Variants in UNC80 observed in about 807,000 individuals in gnomAD.
The protein encoded by UNC80 is protein unc-80 homolog.
UNC80 carries 164 observed loss-of-function variants against 384.6 expected under a neutral mutation model. The ratio of observed to expected loss-of-function variants is 0.43; its 90% confidence interval spans 0.38 to 0.49. The LOEUF is 0.49. Among genes scored for constraint, UNC80 ranks in the 20% least tolerant of loss-of-function variants. UNC80 has a pLI of 0.00. For synonymous variants in UNC80, 1,486 were observed against 1,527.8 expected, an observed-to-expected ratio of 0.97 and a Z score of 0.64; for missense variants, 3,330 against 4,143.0, an observed-to-expected ratio of 0.80 and a Z score of 5.39.
chr2:209,866,525 C>CACACACACAT (rs1553556886), intron 22 of UNC80, among the ~76,000 whole-genome samples: 299 of 110,148 alleles, frequency 2.7e-3, no homozygotes, highest in African/African-American at 0.013. Context: ...CACACACACA[C>CACACACACAT]ACACACACAG....
chr2:209,962,442 A>G (rs1203796978), intron 51 of UNC80, among the ~76,000 whole-genome samples: 2 of 152,180 alleles, frequency 1.3e-5, no homozygotes, highest in African/African-American at 4.8e-5. Context: ...GAAGAGTAGT[A>G]TGATGAACAG....
chr2:209,961,103 G>C (rs2092576596), intron 51 of UNC80: 1 of 152,148 alleles, frequency 6.6e-6, no homozygotes, highest in Non-Finnish European at 1.5e-5. Context: ...GAGGGAGAGA[G>C]AGAGAGAGAG....
Position 209,995,648 on chromosome 2 carries a change from C to T in UNC80, c.*53C>T. 2.0e-6 allele frequency: 3 copies of T among 1,515,090 alleles called. No homozygotes were observed. Among genetic ancestry groups the T allele is most frequent in the Non-Finnish European group, 2.7e-6 (3 of 1,125,232 alleles). 93.9% of individuals were successfully genotyped at this position (1,515,090 alleles called of 1,614,324 possible). ...TAGAGAAGACATGAAAGTGATCTCT[C>T]TACTACAAGTTCAATACTTTTGCTT... On this transcript the variant is annotated 3_prime_UTR_variant, in exon 65 of 65. Transcript: ENST00000673920.
Position 209,997,023 on chromosome 2 carries a change from A to C in UNC80, c.*1428A>C, listed in dbSNP as rs1026203799. On this transcript the variant is annotated 3_prime_UTR_variant, in exon 65 of 65. Coordinates refer to ENST00000673920, the MANE Select transcript of UNC80 (RefSeq NM_001371986.1). ...AGTGCGTTGGCTGTGAAATGTATAC[A>C]TATATAAAGAGGATACCTACTAAAC... 2 of 152,174 alleles carry C rather than the reference A, an allele frequency of 1.3e-5. No individual in the cohort carries two copies. The highest frequency in any genetic ancestry group is 4.8e-5 in the African/African-American group (2 of 41,446). 9.4% of individuals were successfully genotyped at this position (152,174 alleles called of 1,614,324 possible). A position where few individuals can be genotyped will look rare whatever the true frequency, so the allele number is the denominator to read the frequency against.
chr2:209,921,002 A>T (rs1213703120), intron 33 of UNC80, among the ~76,000 whole-genome samples: 1 of 151,778 alleles, frequency 6.6e-6, no homozygotes, highest in Non-Finnish European at 1.5e-5. Context: ...TAATTTTTGT[A>T]TTTTTAGTAG....
chr2:209,817,980 G>A (rs2079866522), intron 11 of UNC80, 28 bp downstream of exon 11: 1 of 1,550,588 alleles, frequency 6.4e-7, no homozygotes, highest in Non-Finnish European at 8.7e-7. Context: ...CCTACGGGCA[G>A]GAGTTCAGAG....
rs1324925600 is a variant in UNC80, at chr2:209,866,701, T to G, written c.3628-6057T>G. On this transcript the variant is annotated intron_variant, in intron 22 of 64. Transcript: ENST00000673920. Reference sequence around the variant, plus strand: ...TTAAGTTTCAAGTACTACATTTTTATTTGTAAAAATTCTATTTAAATTTTG... The same window carrying G: ...TTAAGTTTCAAGTACTACATTTTTAGTTGTAAAAATTCTATTTAAATTTTG... Among the ~76,000 whole-genome samples, 3 of 152,228 alleles carry G rather than the reference T, an allele frequency of 2.0e-5. No homozygotes were observed. In the East Asian group the frequency reaches 5.8e-4, roughly 29 times the overall value.
chr2:209,815,282 A>AG lies in UNC80; in HGVS notation c.1228dup (p.Glu410GlyfsTer5). On this transcript the variant is annotated frameshift_variant, in exon 9 of 65. Transcript: ENST00000673920. LOFTEE classifies it high-confidence loss of function. ...GATCTCACCATGAAGTGTAACGAGG[A>AG]GGAAAAATCTCTTAGCTCTGAGGCC... is the stretch of plus-strand genomic sequence containing the variant. 3 of 1,551,704 alleles carry AG rather than the reference A, an allele frequency of 1.9e-6. No individual in the cohort carries two copies. Among genetic ancestry groups the AG allele is most frequent in the Non-Finnish European group, 2.6e-6 (3 of 1,146,986 alleles).
At chr2:209,808,799 C>CG (rs2079114222) in intron 7 of UNC80, 9 of 339,234 alleles carry the variant, frequency 2.7e-5, no homozygotes, top group East Asian at 1.0e-4. Flanking sequence ...GTTGCCTCTG[C>CG]CACCATGCCG....
At chr2:209,828,462 C>T (rs2080708229) in intron 14 of UNC80, among the ~76,000 whole-genome samples, 1 of 151,980 alleles carries the variant, frequency 6.6e-6, no homozygotes, top group South Asian at 2.1e-4. Flanking sequence ...AAAGTTATAC[C>T]AAGAAGCCTA....
chr2:209,817,884 C>T lies in UNC80; in HGVS notation c.1625C>T (p.Ser542Phe), dbSNP rs2079856405. The change falls in exon 11 of 65, where the codon TCC becomes TTC. Residue 542 changes from serine (S) to phenylalanine (F), a missense_variant. Physicochemically the swap from Ser to Phe is radical, Grantham distance 155 (BLOSUM62 -2). Coordinates refer to ENST00000673920, the MANE Select transcript of UNC80 (RefSeq NM_001371986.1). ...AGTCTGAGCGCCAGGCATTCCCACT[C>T]CCATCACACCCTGGTAAGCGACCTG... is the stretch of plus-strand genomic sequence containing the variant. ...MESLSARHSHSHHTLVSDLPD... is the reference protein window; with the variant it reads ...MESLSARHSHFHHTLVSDLPD... The T allele has an allele frequency of 1.3e-6, 2 of 1,551,548 alleles. No homozygotes were observed. Among genetic ancestry groups the T allele is most frequent in the Admixed American group, 2.0e-5 (1 of 50,974 alleles).
chr2:209,912,248 G>T (rs2089033622), intron 29 of UNC80, among the ~76,000 whole-genome samples: 2 of 152,202 alleles, frequency 1.3e-5, no homozygotes, highest in Non-Finnish European at 1.5e-5. Context: ...GGAGATCCTT[G>T]TCCTTTCCTT....
intron 60 of UNC80, among the ~76,000 whole-genome samples, chr2:209,984,446 G>A (rs992989295): frequency 6.6e-6 from 1 of 152,156 alleles, no homozygotes; most frequent in Non-Finnish European, 1.5e-5. Context: ...AAAGAAGCAG[G>A]GTCCTGGTCA....
At chr2:209,884,993 A>G (rs975462595) in intron 25 of UNC80, among the ~76,000 whole-genome samples, 71 of 152,136 alleles carry the variant, frequency 4.7e-4, no homozygotes, top group African/African-American at 1.7e-3. Context: ...GCAGACCACC[A>G]TGGCACACGT....
chr2:209,943,735 A>C (rs542590735), intron 45 of UNC80, among the ~76,000 whole-genome samples: 1 of 152,294 alleles, frequency 6.6e-6, no homozygotes, highest in Admixed American at 6.5e-5. Context: ...CTGCAGGTGA[A>C]CTAACTAGTA....
At chr2:209,921,784 T>C (rs978476853) in intron 34 of UNC80, 98 bp downstream of exon 34, 3 of 1,298,534 alleles carry the variant, frequency 2.3e-6, no homozygotes, top group Non-Finnish European at 3.1e-6. Flanking sequence ...TGAGGTGATA[T>C]GCCCCCTTCC....
chr2:209,890,638 A>G (rs993325790), intron 26 of UNC80, among the ~76,000 whole-genome samples: 1 of 152,214 alleles, frequency 6.6e-6, no homozygotes, highest in African/African-American at 2.4e-5. Context: ...GTAACTCACT[A>G]TGTGGCCTTG....
In UNC80 at chr2:209,990,856, C is replaced by T. The variant is rs190202081; in HGVS notation, c.9315-1310C>T. 1.7e-3 allele frequency among the ~76,000 whole-genome samples: 260 copies of T among 152,256 alleles called. 1 individual carries two copies. Among genetic ancestry groups the T allele is most frequent in the Non-Finnish European group, 2.9e-3 (196 of 67,996 alleles). ...CTGTTTTGGTACTCTTTATGAATTTCGTTATTGTGAACCCCAAATGGTGTA... is the reference window on the plus strand; with the variant it reads ...CTGTTTTGGTACTCTTTATGAATTTTGTTATTGTGAACCCCAAATGGTGTA... On this transcript the variant is annotated intron_variant, in intron 61 of 64. Coordinates refer to ENST00000673920, the MANE Select transcript of UNC80 (RefSeq NM_001371986.1).
At chr2:209,966,489 AG>A (rs1216893644) in intron 51 of UNC80, among the ~76,000 whole-genome samples, 1 of 152,246 alleles carries the variant, frequency 6.6e-6, no homozygotes, top group Admixed American at 6.5e-5. Context: ...AATTAAATTA[AG>A]TTGGCTTTAA....
Sources: allele counts gnomAD v4.1 joint callset (sites outside exome capture counted in the v4.1 genomes callset), GRCh38; gene constraint gnomAD v4.1.1; transcripts MANE v1.5; gene names NCBI Gene and HGNC (gene_info 2026-07-23, HGNC 2026-07-21).